Variants in RGS17 observed in about 807,000 individuals in gnomAD.
RGS17 encodes the protein regulator of G protein signaling 17, also known as regulator of G-protein signaling 17.
A neutral mutation model predicts 25.5 loss-of-function variants in RGS17; 12 were observed. That is an observed-to-expected ratio of 0.47 (90% CI 0.30 to 0.76). The LOEUF (loss-of-function observed/expected upper bound fraction) is 0.76. Among genes scored for constraint, RGS17 ranks in the 30% least tolerant of loss-of-function variants. RGS17 has a pLI of 0.07. For missense variants in RGS17, 196 were observed against 242.2 expected (o/e 0.81, Z 1.27); for synonymous variants, 71 against 76.9 (o/e 0.92, Z 0.40).
chr6:153,081,490 T>C (rs974068335), intron 1 of RGS17, among the ~76,000 whole-genome samples: 1 of 152,144 alleles, frequency 6.6e-6, no homozygotes, highest in Non-Finnish European at 1.5e-5. Flanking sequence ...TTGTAGATCA[T>C]GTATATGGTT....
chr6:153,053,142 T>A (rs1197338352), intron 1 of RGS17, among the ~76,000 whole-genome samples: 1 of 152,234 alleles, frequency 6.6e-6, no homozygotes, highest in Admixed American at 6.5e-5. Flanking sequence ...TTCTCATTTT[T>A]CCAGGAATGA....
Position 153,130,479 on chromosome 6 carries a change from C to CACAT in RGS17, c.-26+641_-26+644dup, listed in dbSNP as rs1222860813. 4.4e-5 allele frequency among the ~76,000 whole-genome samples: 5 copies of CACAT among 114,714 alleles called. No homozygotes were observed. Among genetic ancestry groups the CACAT allele is most frequent in the Non-Finnish European group, 9.1e-5 (5 of 54,916 alleles). The allele number at this position is 114,714 out of a possible 152,430, so 75.3% of individuals were successfully genotyped here. A position where few individuals can be genotyped will look rare whatever the true frequency, so the allele number is the denominator to read the frequency against. ...ACCCCCCACCCCCTATACATACATA[C>CACAT]ACATACACACACACACACACACACA... On this transcript the variant is annotated intron_variant, in intron 1 of 4. Coordinates refer to ENST00000206262, the MANE Select transcript of RGS17 (RefSeq NM_012419.5). This position sits in a 1 kb window ranked among gnomAD's most constrained non-coding sequence, Gnocchi z 6.4.
chr6:153,074,400 A>C (rs1243367784), intron 1 of RGS17, among the ~76,000 whole-genome samples: 1 of 152,174 alleles, frequency 6.6e-6, no homozygotes, highest in African/African-American at 2.4e-5. Context: ...CTCTTAATGC[A>C]TCCTCTTCAT....
chr6:153,037,201 G>C (rs62436149), intron 2 of RGS17, among the ~76,000 whole-genome samples: 532 of 29,388 alleles, frequency 0.018, 5 homozygotes, highest in Admixed American at 0.043. Flanking sequence ...CACACACACA[G>C]ACACACACAC....
chr6:153,034,240 C>A (rs2129108462), intron 2 of RGS17, among the ~76,000 whole-genome samples: 1 of 152,270 alleles, frequency 6.6e-6, no homozygotes, highest in South Asian at 2.1e-4. Flanking sequence ...AGACAACAAT[C>A]TTGATCTGTA....
intron 1 of RGS17, among the ~76,000 whole-genome samples, chr6:153,114,444 C>T (rs1777516238): frequency 6.6e-6 from 1 of 152,040 alleles, no homozygotes; most frequent in African/African-American, 2.4e-5. Flanking sequence ...AATTAATAGC[C>T]TACCAACCAA....
chr6:153,061,386 C>G (rs1776636025), intron 1 of RGS17, among the ~76,000 whole-genome samples: 1 of 152,162 alleles, frequency 6.6e-6, no homozygotes, highest in Non-Finnish European at 1.5e-5. Context: ...ACAGCACTTT[C>G]ATCTATGTGA....
chr6:153,040,052 T>C (rs1460431333), intron 2 of RGS17, among the ~76,000 whole-genome samples: 1 of 152,260 alleles, frequency 6.6e-6, no homozygotes, highest in Admixed American at 6.5e-5. Flanking sequence ...TAGAAGGTCT[T>C]GCATGTTTAT....
intron 1 of RGS17, among the ~76,000 whole-genome samples, chr6:153,061,884 A>G (rs1406476656): frequency 2.0e-5 from 3 of 152,240 alleles, no homozygotes; most frequent in Non-Finnish European, 4.4e-5. Context: ...CTCTCCAGAT[A>G]TTAAGCATAT....
At chr6:153,020,712 AT>A (rs1487742935) in intron 4 of RGS17, among the ~76,000 whole-genome samples, 1 of 152,204 alleles carries the variant, frequency 6.6e-6, no homozygotes, top group African/African-American at 2.4e-5. Context: ...AATCATGACA[AT>A]TTTTAGGCAT....
At chr6:153,077,738 T>C (rs970862533) in intron 1 of RGS17, among the ~76,000 whole-genome samples, 5 of 152,206 alleles carry the variant, frequency 3.3e-5, no homozygotes, top group African/African-American at 7.2e-5. Context: ...TGTAGCTACT[T>C]AGAATTATGA....
At chr6:153,056,103 AG>A (rs1776552472) in intron 1 of RGS17, among the ~76,000 whole-genome samples, 1 of 152,364 alleles carries the variant, frequency 6.6e-6, no homozygotes, top group East Asian at 1.9e-4. Context: ...ATGGCAATTT[AG>A]AATGCATTAA....
chr6:153,083,596 A>G (rs1368875458), intron 1 of RGS17, among the ~76,000 whole-genome samples: 1 of 152,218 alleles, frequency 6.6e-6, no homozygotes, highest in Non-Finnish European at 1.5e-5. Context: ...TAACTTTTGG[A>G]CAATATTTAT....
At chr6:153,064,310 G>T (rs979558456) in intron 1 of RGS17, among the ~76,000 whole-genome samples, 1 of 152,040 alleles carries the variant, frequency 6.6e-6, no homozygotes, top group East Asian at 1.9e-4. Context: ...AGTACAATAA[G>T]ATATAAATAG....
chr6:153,029,052 T>C (rs572622565), intron 2 of RGS17, among the ~76,000 whole-genome samples: 28 of 152,332 alleles, frequency 1.8e-4, no homozygotes, highest in African/African-American at 6.7e-4. Context: ...GCTACCATAT[T>C]AGAGCGATCA....
At chr6:153,070,711 A>G (rs1257191316) in intron 1 of RGS17, among the ~76,000 whole-genome samples, 4 of 117,258 alleles carry the variant, frequency 3.4e-5, no homozygotes, top group African/African-American at 6.6e-5. Context: ...GTATATACAT[A>G]TATATATACA....
At chr6:153,012,519 C>T (rs774222297) in intron 4 of RGS17, among the ~76,000 whole-genome samples, 3 of 152,130 alleles carry the variant, frequency 2.0e-5, no homozygotes, top group Non-Finnish European at 2.9e-5. Context: ...CCCCCTTCCT[C>T]ACTAAATGCA....
intron 4 of RGS17, among the ~76,000 whole-genome samples, chr6:153,021,386 A>C (rs1779246623): frequency 1.3e-5 from 2 of 152,192 alleles, no homozygotes; most frequent in Non-Finnish European, 1.5e-5. Flanking sequence ...GACTTTTTGC[A>C]CAGGAAGTTC....
intron 1 of RGS17, among the ~76,000 whole-genome samples, chr6:153,075,068 CAA>C (rs1776859151): frequency 6.6e-6 from 1 of 152,138 alleles, no homozygotes; most frequent in South Asian, 2.1e-4. Flanking sequence ...GAGTAAGAAA[CAA>C]TATAGATAAA....
Sources: allele counts gnomAD v4.1 joint callset (sites outside exome capture counted in the v4.1 genomes callset), GRCh38; gene constraint gnomAD v4.1.1; non-coding constraint Gnocchi (gnomAD v3.1); transcripts MANE v1.5; gene names NCBI Gene and HGNC (gene_info 2026-07-23, HGNC 2026-07-21).